GNA12: variants seen among roughly 807,000 people sequenced by gnomAD.
GNA12 encodes the protein guanine nucleotide-binding protein subunit alpha-12.
In GNA12, 9 loss-of-function variants were observed where a neutral mutation model predicts 26.0. That is an observed-to-expected ratio of 0.35 (90% CI 0.21 to 0.60). The LOEUF is 0.60. GNA12 is among the 20% of genes least tolerant of loss of function. GNA12 has a pLI of 0.78. For synonymous variants in GNA12, 264 were observed against 219.6 expected (o/e 1.20, Z -1.79); for missense variants, 405 against 525.8 (o/e 0.77, Z 2.25).
intron 1 of GNA12, among the ~76,000 whole-genome samples, chr7:2,805,909 C>T (rs1012574257): frequency 3.3e-5 from 5 of 152,080 alleles, no homozygotes; most frequent in Non-Finnish European, 7.4e-5. Flanking sequence ...AGTGGACGTG[C>T]GGCCCAGCTG....
chr7:2,836,299 T>G (rs1214139733), intron 1 of GNA12, among the ~76,000 whole-genome samples: 1 of 152,148 alleles, frequency 6.6e-6, no homozygotes, highest in East Asian at 1.9e-4. Flanking sequence ...TTCCACAAAG[T>G]AACAGCTCTA....
At chr7:2,826,835 T>G (rs1793495214) in intron 1 of GNA12, among the ~76,000 whole-genome samples, 1 of 152,094 alleles carries the variant, frequency 6.6e-6, no homozygotes, top group South Asian at 2.1e-4. Context: ...TTTAGGGCAG[T>G]GAAACTATTT....
At chr7:2,840,478 C>CT (rs1296643629) in intron 1 of GNA12, among the ~76,000 whole-genome samples, 2 of 152,246 alleles carry the variant, frequency 1.3e-5, no homozygotes, top group African/African-American at 4.8e-5. Flanking sequence ...CCTGTCAACA[C>CT]TAACCCTCTA....
intron 1 of GNA12, among the ~76,000 whole-genome samples, chr7:2,817,286 A>G (rs1793240521): frequency 6.6e-6 from 1 of 152,158 alleles, no homozygotes; most frequent in African/African-American, 2.4e-5. Context: ...TTGTATTTTT[A>G]GTAGAAACGG....
At chr7:2,834,567 G>C (rs906420214) in intron 1 of GNA12, among the ~76,000 whole-genome samples, 38 of 152,274 alleles carry the variant, frequency 2.5e-4, no homozygotes, top group African/African-American at 8.7e-4. Flanking sequence ...TTTTGTTTCA[G>C]TGGCAACAAG....
intron 2 of GNA12, among the ~76,000 whole-genome samples, chr7:2,794,483 C>T (rs980145450): frequency 6.6e-6 from 1 of 152,066 alleles, no homozygotes; most frequent in Non-Finnish European, 1.5e-5. Context: ...GACCTTAAAA[C>T]GAAAGGAACA....
chr7:2,842,368 G>T (rs1156492120), intron 1 of GNA12, among the ~76,000 whole-genome samples: 1 of 151,860 alleles, frequency 6.6e-6, no homozygotes, highest in East Asian at 1.9e-4. Flanking sequence ...GCCCAAACAT[G>T]GCTCACTGCA....
At chr7:2,787,157 G>T (rs1792383329) in intron 2 of GNA12, among the ~76,000 whole-genome samples, 2 of 152,154 alleles carry the variant, frequency 1.3e-5, no homozygotes, top group African/African-American at 4.8e-5. Context: ...CAGCAATCCT[G>T]AAGCTGTGTG....
At position 2,733,463 on chromosome 7, in the gene GNA12, C is replaced by T; in HGVS notation, c.564G>A (p.Arg188=). 1 of 1,613,886 alleles carries T rather than the reference C, an allele frequency of 6.2e-7. No homozygotes were observed. The highest frequency in any genetic ancestry group is 8.5e-7 in the Non-Finnish European group (1 of 1,179,890). ...CGTGCTTACTCACCAGCTGGCCGAT[C>T]CGGTCCAAGTTGTCCAGGAAGTACT... is the stretch of plus-strand genomic sequence containing the variant. ...SVKYFLDNLD[R]IGQLNYFPSK... is the part of the protein sequence containing the mutation. The change falls in exon 3 of 4, where the codon CGG becomes CGA. Residue 188 remains arginine (R), a synonymous_variant. Transcript: ENST00000275364.
chr7:2,758,837 C>A (rs556795043), intron 2 of GNA12, among the ~76,000 whole-genome samples: 10 of 152,284 alleles, frequency 6.6e-5, no homozygotes, highest in Admixed American at 5.9e-4. Context: ...AGGGTTATCA[C>A]CGCATGTATC....
intron 2 of GNA12, among the ~76,000 whole-genome samples, chr7:2,740,279 C>G (rs1011160476): frequency 6.6e-6 from 1 of 152,130 alleles, no homozygotes; most frequent in East Asian, 1.9e-4. Context: ...GAAGCCCTAC[C>G]TGCAGTGTGA....
At chr7:2,799,874 GCAACAC>G (rs1792767050) in intron 1 of GNA12, among the ~76,000 whole-genome samples, 1 of 152,136 alleles carries the variant, frequency 6.6e-6, no homozygotes, top group African/African-American at 2.4e-5. Flanking sequence ...ACAACCAGCG[GCAACAC>G]CAAGCGGAGG....
At chr7:2,782,019 C>G (rs1792241892) in intron 2 of GNA12, among the ~76,000 whole-genome samples, 1 of 152,060 alleles carries the variant, frequency 6.6e-6, no homozygotes, top group Non-Finnish European at 1.5e-5. Flanking sequence ...TATCTATGGC[C>G]AATTGATTTT....
intron 2 of GNA12, among the ~76,000 whole-genome samples, chr7:2,745,033 C>T (rs1000712294): frequency 6.6e-6 from 1 of 152,212 alleles, no homozygotes; most frequent in Non-Finnish European, 1.5e-5. Flanking sequence ...AAGACCAAAT[C>T]TACATCTGAT....
intron 1 of GNA12, among the ~76,000 whole-genome samples, chr7:2,842,266 A>C (rs1779019047): frequency 6.6e-6 from 1 of 152,162 alleles, no homozygotes. Flanking sequence ...CCTTTAACAC[A>C]GGCTCACGGT....
chr7:2,842,494 T>C (rs953003423), intron 1 of GNA12, among the ~76,000 whole-genome samples: 2 of 152,198 alleles, frequency 1.3e-5, no homozygotes, highest in Non-Finnish European at 2.9e-5. Flanking sequence ...ACTGAGGTCT[T>C]GCTGTGTTGC....
At chr7:2,738,951 C>G (rs1235997759) in intron 2 of GNA12, among the ~76,000 whole-genome samples, 1 of 152,090 alleles carries the variant, frequency 6.6e-6, no homozygotes, top group Non-Finnish European at 1.5e-5. Flanking sequence ...CTGTGGACAC[C>G]TCGTCTCCAA....
chr7:2,765,763 T>C (rs1430157653), intron 2 of GNA12, among the ~76,000 whole-genome samples: 1 of 152,106 alleles, frequency 6.6e-6, no homozygotes, highest in Non-Finnish European at 1.5e-5. Flanking sequence ...CCTGAGTAGC[T>C]GGGACTATAG....
chr7:2,744,740 G>A (rs947281894), intron 2 of GNA12, among the ~76,000 whole-genome samples: 12 of 152,036 alleles, frequency 7.9e-5, no homozygotes, highest in African/African-American at 2.7e-4. Context: ...GAGGAAGTTC[G>A]AACCAATGGC....
Sources: allele counts gnomAD v4.1 joint callset (sites outside exome capture counted in the v4.1 genomes callset), GRCh38; gene constraint gnomAD v4.1.1; transcripts MANE v1.5; gene names NCBI Gene and HGNC (gene_info 2026-07-23, HGNC 2026-07-21).